The following PARD3 variants were observed in gnomAD, a reference collection of about 807,000 sequenced individuals.
The protein encoded by PARD3 is partitioning defective 3 homolog.
In PARD3, 75 loss-of-function variants were observed where a neutral mutation model predicts 155.4. The observed-to-expected ratio is 0.48, with a 90% CI of 0.40 to 0.58. The LOEUF (loss-of-function observed/expected upper bound fraction) is 0.58, where lower values mean the gene tolerates loss of function less well. Among genes scored for constraint, PARD3 ranks in the 20% least tolerant of loss-of-function variants. The pLI is 0.00. For synonymous variants in PARD3, 576 were observed against 610.5 expected (o/e 0.94, Z 0.83); for missense variants, 1,642 against 1,721.7 (o/e 0.95, Z 0.82).
intron 21 of PARD3, among the ~76,000 whole-genome samples, chr10:34,270,389 T>C (rs1197023530): frequency 2.0e-5 from 3 of 152,220 alleles, no homozygotes; most frequent in African/African-American, 4.8e-5. Flanking sequence ...GTGATCCTCC[T>C]GCCTCAGCCT....
chr10:34,792,697 T>C (rs1841812243), intron 1 of PARD3, among the ~76,000 whole-genome samples: 1 of 152,188 alleles, frequency 6.6e-6, no homozygotes, highest in Admixed American at 6.5e-5. Flanking sequence ...TACAGTGACC[T>C]GTGCAGCAGC....
chr10:34,272,404 C>T (rs1388313374), intron 21 of PARD3, among the ~76,000 whole-genome samples: 5 of 152,110 alleles, frequency 3.3e-5, no homozygotes, highest in African/African-American at 7.2e-5. Flanking sequence ...TTGCAAGGCA[C>T]GTATCTGACA....
intron 4 of PARD3, among the ~76,000 whole-genome samples, chr10:34,465,239 G>C (rs1022447774): frequency 2.0e-5 from 3 of 152,048 alleles, no homozygotes; most frequent in Non-Finnish European, 4.4e-5. Context: ...CATGGACACA[G>C]AAGCCTGATG....
intron 4 of PARD3, among the ~76,000 whole-genome samples, chr10:34,462,164 AG>A (rs1287930080): frequency 6.6e-6 from 1 of 152,254 alleles, no homozygotes; most frequent in African/African-American, 2.4e-5. Flanking sequence ...GCAGCAGAAT[AG>A]TTTAAAGTCT....
chr10:34,603,210 G>T (rs1343960218), intron 2 of PARD3, among the ~76,000 whole-genome samples: 1 of 152,182 alleles, frequency 6.6e-6, no homozygotes, highest in African/African-American at 2.4e-5. Flanking sequence ...GTCCCAGAAT[G>T]AAGCAATAGT....
chr10:34,333,135 A>G (rs1835793083), intron 18 of PARD3, among the ~76,000 whole-genome samples: 1 of 152,014 alleles, frequency 6.6e-6, no homozygotes, highest in Non-Finnish European at 1.5e-5. Context: ...TTTATTAAGG[A>G]TATGTGTATG....
chr10:34,679,165 G>GA (rs2093765051), intron 2 of PARD3, among the ~76,000 whole-genome samples: 1 of 152,104 alleles, frequency 6.6e-6, no homozygotes, highest in African/African-American at 2.4e-5. Flanking sequence ...GTAAAAAATG[G>GA]AAAGCAGGTG....
chr10:34,397,380 A>G (rs1426894899), intron 7 of PARD3, among the ~76,000 whole-genome samples: 1 of 152,158 alleles, frequency 6.6e-6, no homozygotes, highest in Middle Eastern at 3.2e-3. Flanking sequence ...ATGCCTAAGA[A>G]GAGGTTATAA....
chr10:34,233,017 ATTTTTTTTTTTT>A (rs3039283), intron 22 of PARD3, among the ~76,000 whole-genome samples: 1 of 96,194 alleles, frequency 1.0e-5, no homozygotes, highest in African/African-American at 4.4e-5. Context: ...TCAAATGTTA[ATTTTTTTTTTTT>A]TTTTTTTTTT....
intron 20 of PARD3, among the ~76,000 whole-genome samples, chr10:34,313,420 C>T (rs543108180): frequency 3.3e-5 from 5 of 152,180 alleles, no homozygotes; most frequent in South Asian, 2.1e-4. Flanking sequence ...TATTTGATTC[C>T]TTATAGATTT....
intron 1 of PARD3, among the ~76,000 whole-genome samples, chr10:34,801,581 T>A (rs755312875): frequency 6.6e-6 from 1 of 152,192 alleles, no homozygotes; most frequent in African/African-American, 2.4e-5. Context: ...CTATTTAGTA[T>A]GATAAATAGG....
chr10:34,790,762 G>C (rs1841527507), intron 1 of PARD3, among the ~76,000 whole-genome samples: 1 of 152,134 alleles, frequency 6.6e-6, no homozygotes, highest in Non-Finnish European at 1.5e-5. Flanking sequence ...GATTTACTAA[G>C]TCATACAAAA....
intron 22 of PARD3, among the ~76,000 whole-genome samples, chr10:34,167,940 CA>C (rs1360566159): frequency 1.3e-5 from 2 of 151,352 alleles, no homozygotes; most frequent in African/African-American, 4.9e-5. Context: ...CTACCATGAA[CA>C]AAAAAAAGGG....
At chr10:34,357,506 G>C (rs1839010143) in intron 14 of PARD3, among the ~76,000 whole-genome samples, 1 of 152,160 alleles carries the variant, frequency 6.6e-6, no homozygotes, top group Admixed American at 6.5e-5. Flanking sequence ...GATATGTTTT[G>C]TAAACTTACA....
At chr10:34,716,360 T>C (rs938516939) in intron 1 of PARD3, among the ~76,000 whole-genome samples, 1 of 152,152 alleles carries the variant, frequency 6.6e-6, no homozygotes, top group South Asian at 2.1e-4. Context: ...AAATCCTGCA[T>C]GGAAGCATGG....
chr10:34,759,509 C>T (rs1234395653), intron 1 of PARD3, among the ~76,000 whole-genome samples: 8 of 152,194 alleles, frequency 5.3e-5, no homozygotes. Flanking sequence ...ACTTCTAGAA[C>T]TTTCCACCTC....
chr10:34,238,511 T>A (rs1368605841), intron 22 of PARD3, among the ~76,000 whole-genome samples: 1 of 151,850 alleles, frequency 6.6e-6, no homozygotes, highest in African/African-American at 2.4e-5. Flanking sequence ...GTCCCAAACA[T>A]CTCCCACACA....
chr10:34,240,689 T>A (rs1015028006), intron 22 of PARD3, among the ~76,000 whole-genome samples: 6 of 152,108 alleles, frequency 3.9e-5, no homozygotes, highest in Non-Finnish European at 8.8e-5. Flanking sequence ...TTGTTTTGCT[T>A]CCTGGTGGAG....
At chr10:34,777,474 G>A (rs1341551122) in intron 1 of PARD3, among the ~76,000 whole-genome samples, 1 of 152,120 alleles carries the variant, frequency 6.6e-6, no homozygotes, top group African/African-American at 2.4e-5. Context: ...CCGCACAGGG[G>A]GCTCTTAGAG....
Sources: gnomAD v4.1 joint callset for allele counts (sites outside exome capture counted in the v4.1 genomes callset) on GRCh38, gnomAD v4.1.1 for gene constraint, MANE v1.5 for transcripts, NCBI Gene and HGNC (gene_info 2026-07-23, HGNC 2026-07-21) for gene names.